The following LPP variants were observed in gnomAD, a reference collection of about 807,000 sequenced individuals.
LPP encodes lipoma-preferred partner.
Under a neutral mutation model 60.4 loss-of-function variants are expected in LPP, and 38 were observed. The observed-to-expected ratio is 0.63, with a 90% CI of 0.49 to 0.83. The LOEUF (loss-of-function observed/expected upper bound fraction) is 0.83, where lower values mean the gene tolerates loss of function less well. Ranked by LOEUF, LPP falls within the 40% of genes least tolerant of loss-of-function variation. The pLI is 0.00. For synonymous variants in LPP, 328 were observed against 290.8 expected (o/e 1.13, Z -1.30); for missense variants, 902 against 783.6 (o/e 1.15, Z -1.80).
intron 2 of LPP, among the ~76,000 whole-genome samples, chr3:188,270,033 A>G (rs1737176648): frequency 6.6e-6 from 1 of 150,850 alleles, no homozygotes; most frequent in African/African-American, 2.4e-5. Context: ...GTATGATTCT[A>G]TTTATTTGAA....
chr3:188,227,313 A>C (rs1718155363), intron 2 of LPP, among the ~76,000 whole-genome samples: 3 of 147,226 alleles, frequency 2.0e-5, no homozygotes, highest in South Asian at 4.5e-4. Context: ...CATTAGGTAT[A>C]TCTCCTAATG....
At chr3:188,575,285 A>C (rs1301889138) in intron 6 of LPP, among the ~76,000 whole-genome samples, 1 of 152,040 alleles carries the variant, frequency 6.6e-6, no homozygotes, top group Non-Finnish European at 1.5e-5. Flanking sequence ...ACTTATTTTG[A>C]TTTTTTGTTT....
At chr3:188,639,115 A>G (rs1486483175) in intron 7 of LPP, among the ~76,000 whole-genome samples, 1 of 152,144 alleles carries the variant, frequency 6.6e-6, no homozygotes, top group Admixed American at 6.6e-5. Flanking sequence ...ACTTCAAACT[A>G]TACTACAAGG....
At chr3:188,808,255 T>C (rs1577688929) in intron 9 of LPP, among the ~76,000 whole-genome samples, 1 of 152,270 alleles carries the variant, frequency 6.6e-6, no homozygotes, top group South Asian at 2.1e-4. Context: ...TTTGTCTGTC[T>C]CCCAAATTTT....
chr3:188,783,359 G>A (rs1242348464), intron 9 of LPP, among the ~76,000 whole-genome samples: 1 of 152,124 alleles, frequency 6.6e-6, no homozygotes, highest in Admixed American at 6.6e-5. Context: ...ATACCCCACA[G>A]AATACTAAGC....
At chr3:188,849,400 G>A (rs1308934415) in intron 9 of LPP, among the ~76,000 whole-genome samples, 1 of 152,144 alleles carries the variant, frequency 6.6e-6, no homozygotes, top group East Asian at 1.9e-4. Flanking sequence ...GCCATTTCTA[G>A]GACTAGTATC....
intron 5 of LPP, among the ~76,000 whole-genome samples, chr3:188,507,214 G>A (rs766196911): frequency 6.6e-6 from 1 of 152,156 alleles, no homozygotes; most frequent in African/African-American, 2.4e-5. Flanking sequence ...GGACTATGAA[G>A]TCTGTATACT....
intron 3 of LPP, among the ~76,000 whole-genome samples, chr3:188,344,358 C>A (rs370265222): frequency 2.6e-5 from 4 of 152,140 alleles, no homozygotes; most frequent in East Asian, 3.9e-4. Flanking sequence ...CTGTAATAAC[C>A]TGAATAGAAT....
intron 4 of LPP, among the ~76,000 whole-genome samples, chr3:188,443,961 C>T (rs1794642287): frequency 6.6e-6 from 1 of 152,158 alleles, no homozygotes; most frequent in African/African-American, 2.4e-5. Context: ...ATTTTGTTAG[C>T]ATGTGTATAA....
chr3:188,447,607 C>CAAA (rs59645249), intron 4 of LPP, among the ~76,000 whole-genome samples: 3 of 114,784 alleles, frequency 2.6e-5, no homozygotes, highest in African/African-American at 1.0e-4. Flanking sequence ...GAGACTGCCT[C>CAAA]AAAAAAAAAA....
intron 1 of LPP, among the ~76,000 whole-genome samples, chr3:188,162,867 A>G (rs1718723923): frequency 6.6e-6 from 1 of 152,124 alleles, no homozygotes; most frequent in South Asian, 2.1e-4. Context: ...GACAACTCCT[A>G]GTTCAAGTCC....
chr3:188,585,204 G>A (rs1443668945), intron 6 of LPP, among the ~76,000 whole-genome samples: 3 of 152,144 alleles, frequency 2.0e-5, no homozygotes, highest in African/African-American at 7.2e-5. Flanking sequence ...CAGAAAGGTG[G>A]AAAACATGTT....
At position 188,622,682 on chromosome 3, in the gene LPP, G is replaced by A. The variant is rs993566676; in HGVS notation, c.1113+12838G>A. On this transcript the variant is annotated intron_variant, in intron 7 of 11. Transcript: ENST00000617246. The stretch of plus-strand genomic sequence containing the variant: ...ATCGATATGTATTATTGGTGATGCT[G>A]GACTCCACCCACTCATAGATGTTTC... Among the ~76,000 whole-genome samples, 8 of 151,998 alleles carry A rather than the reference G, an allele frequency of 5.3e-5. No homozygotes were observed. The South Asian group carries it at 6.2e-4, about 12-fold the overall frequency.
At chr3:188,446,236 C>G (rs1002654968) in intron 4 of LPP, among the ~76,000 whole-genome samples, 1 of 152,140 alleles carries the variant, frequency 6.6e-6, no homozygotes, top group Non-Finnish European at 1.5e-5. Flanking sequence ...CATGAGAGCC[C>G]AGCTTCATTT....
intron 7 of LPP, among the ~76,000 whole-genome samples, chr3:188,641,687 A>G (rs1434210766): frequency 1.3e-5 from 2 of 152,104 alleles, no homozygotes; most frequent in African/African-American, 4.8e-5. Flanking sequence ...CACTGTGAGG[A>G]CTCAGAATCC....
At chr3:188,845,300 C>T (rs923572671) in intron 9 of LPP, among the ~76,000 whole-genome samples, 1 of 152,156 alleles carries the variant, frequency 6.6e-6, no homozygotes, top group Non-Finnish European at 1.5e-5. Context: ...TGAGATTCTG[C>T]GGTCAAGGCT....
chr3:188,162,607 T>C (rs1718628908), intron 1 of LPP, among the ~76,000 whole-genome samples: 1 of 152,098 alleles, frequency 6.6e-6, no homozygotes, highest in South Asian at 2.1e-4. Flanking sequence ...CAAAGACCTA[T>C]GTTTGGGCTA....
chr3:188,334,323 A>G (rs370234568), intron 2 of LPP, among the ~76,000 whole-genome samples: 7 of 151,536 alleles, frequency 4.6e-5, no homozygotes, highest in African/African-American at 1.2e-4. Flanking sequence ...TAGTGCTGCA[A>G]TAAACATGGG....
chr3:188,658,423 A>T (rs200734785), intron 7 of LPP, among the ~76,000 whole-genome samples: 1 of 139,888 alleles, frequency 7.1e-6, no homozygotes. Flanking sequence ...GTTATTTTTT[A>T]AATTAAACTA....
Sources: gnomAD v4.1 joint callset for allele counts (sites outside exome capture counted in the v4.1 genomes callset) on GRCh38, gnomAD v4.1.1 for gene constraint, MANE v1.5 for transcripts, NCBI Gene and HGNC (gene_info 2026-07-23, HGNC 2026-07-21) for gene names.